Variants in CHERP observed in about 807,000 individuals in gnomAD.
The protein encoded by CHERP is ERPROT 213-21.
Under a neutral mutation model 113.8 loss-of-function variants are expected in CHERP, and 8 were observed. That is an observed-to-expected ratio of 0.07 (90% CI 0.04 to 0.13). The LOEUF (loss-of-function observed/expected upper bound fraction) is 0.13. Among genes scored for constraint, CHERP ranks in the 10% least tolerant of loss-of-function variants. The probability of loss-of-function intolerance (pLI) is 1.00; values close to 1 mark genes in which losing one functional copy is unlikely to be tolerated. For synonymous variants in CHERP, 559 were observed against 524.5 expected, an observed-to-expected ratio of 1.07 and a Z score of -0.90; for missense variants, 884 against 1,298.2, an observed-to-expected ratio of 0.68 and a Z score of 4.90.
In CHERP at chr19:16,518,580, G is replaced by C. The variant is rs1276806528; in HGVS notation, c.*579C>G. On this transcript the variant is annotated 3_prime_UTR_variant, in exon 17 of 17. Coordinates refer to ENST00000546361, the MANE Select transcript of CHERP (RefSeq NM_006387.6). The stretch of plus-strand genomic sequence containing the variant: ...TTCTTCTTTCTAGACCTAAACCAAG[G>C]AGAGTAAAAATGAAAACCCTGCTTC... The C allele has an allele frequency of 6.5e-6, 1 of 153,298 alleles. No individual in the cohort carries two copies. Among genetic ancestry groups the C allele is most frequent in the Admixed American group, 6.5e-5 (1 of 15,298 alleles). The allele number at this position is 153,298 out of a possible 1,614,324, so 9.5% of individuals were successfully genotyped here. A position where few individuals can be genotyped will look rare whatever the true frequency, so the allele number is the denominator to read the frequency against.
chr19:16,534,796 C>T (rs1049067577), intron 3 of CHERP, among the ~76,000 whole-genome samples: 3 of 152,116 alleles, frequency 2.0e-5, no homozygotes, highest in Admixed American at 6.6e-5. Context: ...TTCTATTTGG[C>T]GAAAGTTATC....
intron 2 of CHERP, among the ~76,000 whole-genome samples, chr19:16,536,925 T>C (rs373493981): frequency 1.1e-3 from 168 of 152,226 alleles, no homozygotes; most frequent in African/African-American, 3.8e-3. Flanking sequence ...GGCAGGAGAA[T>C]TGCTTGAGCT....
At position 16,535,537 on chromosome 19, in the gene CHERP, T is replaced by C; in HGVS notation, c.299A>G (p.Gln100Arg). The change falls in exon 3 of 17, where the codon CAG becomes CGG. Residue 100 changes from glutamine to arginine, a missense_variant. Around this residue, in one of 8 missense-constraint regions of CHERP, gnomAD observed 109 missense variants for 134.2 expected, o/e 0.81. Transcript: ENST00000546361. The surrounding 1 kb of genome is among the most constrained non-coding windows in gnomAD (Gnocchi z 4.3). Reference protein sequence around the residue: ...LAPAAPIPPAQGAPSMDELIQ... With the variant: ...LAPAAPIPPARGAPSMDELIQ... The stretch of plus-strand genomic sequence containing the variant: ...GAGCTCGTCCATGGATGGCGCGCCC[T>C]GGGCCGGCGGGATGGGCGCGGCGGG... 1 of 1,598,744 alleles carries C rather than the reference T, an allele frequency of 6.3e-7. No individual in the cohort carries two copies. The highest frequency in any genetic ancestry group is 8.5e-7 in the Non-Finnish European group (1 of 1,173,142).
Position 16,519,145 on chromosome 19 carries a change from C to T in CHERP, c.*14G>A, listed in dbSNP as rs563213714. ...GGCACCGCTGGCCACCGGCGCGGCT[C>T]CCGGCATGGGCGCCTACTTACACTC... On this transcript the variant is annotated 3_prime_UTR_variant, in exon 17 of 17. Transcript: ENST00000546361. The surrounding 1 kb of genome is among the most constrained non-coding windows in gnomAD (Gnocchi z 6.0). 1 of 1,608,454 alleles carries T rather than the reference C, an allele frequency of 6.2e-7. No homozygotes were observed.
chr19:16,534,714 T>C (rs375210939), intron 3 of CHERP, among the ~76,000 whole-genome samples: 2 of 152,208 alleles, frequency 1.3e-5, no homozygotes, highest in South Asian at 4.1e-4. Context: ...GACCTCATGA[T>C]CTGCCCATCT....
At chr19:16,526,036 G>C (rs2122257490) in intron 9 of CHERP, 1 of 282,056 alleles carries the variant, frequency 3.5e-6, no homozygotes, top group East Asian at 6.3e-5. Flanking sequence ...CAGGTGCAGA[G>C]GCACAGACGG....
chr19:16,528,325 C>T (rs1305923676), intron 8 of CHERP, 70 bp from the exon 9 acceptor site: 18 of 1,421,336 alleles, frequency 1.3e-5, no homozygotes, highest in Non-Finnish European at 1.7e-5. Context: ...CCACACTACC[C>T]CAGAGCAAAC....
chr19:16,539,586 C>T (rs1184627882), intron 2 of CHERP: 2 of 152,178 alleles, frequency 1.3e-5, no homozygotes, highest in Non-Finnish European at 2.9e-5. Context: ...CCTAAATAGG[C>T]ATCAGAAAAA....
chr19:16,522,932 GAGTGGGAGATGA>G, intron 11 of CHERP, 108 bp downstream of exon 11: 1 of 1,168,238 alleles, frequency 8.6e-7, no homozygotes, highest in Non-Finnish European at 1.2e-6. Flanking sequence ...GGTCCCTAGG[GAGTGGGAGATGA>G]AGGGGAGCCC....
intron 12 of CHERP, 117 bp from the exon 13 acceptor site, chr19:16,521,029 G>T: frequency 1.1e-6 from 1 of 879,046 alleles, no homozygotes; most frequent in Non-Finnish European, 1.9e-6. Context: ...CTGTGGCTGT[G>T]GGCTCCGAGC....
intron 11 of CHERP, 151 bp from the exon 12 acceptor site, chr19:16,521,805 TC>T: frequency 1.5e-6 from 1 of 667,110 alleles, no homozygotes; most frequent in Non-Finnish European, 2.3e-6. Flanking sequence ...CTCTTGGGGA[TC>T]CCACTCTCTT....
At chr19:16,539,146 GTT>G (rs889826521) in intron 2 of CHERP, among the ~76,000 whole-genome samples, 14 of 130,842 alleles carry the variant, frequency 1.1e-4, no homozygotes, top group Admixed American at 3.2e-4. Context: ...TTTAGAAACG[GTT>G]TTTTTTTTTT....
intron 12 of CHERP, 39 bp downstream of exon 12, chr19:16,521,482 A>G (rs1232356820): frequency 6.6e-7 from 1 of 1,509,538 alleles, no homozygotes; most frequent in Admixed American, 2.2e-5. Flanking sequence ...GAGAGGGGAC[A>G]GAGGCCTCCC....
At chr19:16,534,363 G>A (rs2085727524) in intron 3 of CHERP, among the ~76,000 whole-genome samples, 1 of 152,144 alleles carries the variant, frequency 6.6e-6, no homozygotes. Context: ...TTTTCTGAGA[G>A]CAATATGACA....
At chr19:16,522,195 G>A (rs1017477948) in intron 11 of CHERP, among the ~76,000 whole-genome samples, 1 of 152,012 alleles carries the variant, frequency 6.6e-6, no homozygotes, top group Non-Finnish European at 1.5e-5. Flanking sequence ...TGTGTCTGAG[G>A]GGGTGGGAAG....
Position 16,519,409 on chromosome 19 carries a change from G to T in CHERP, c.2558-57C>A, listed in dbSNP as rs536193270. The T allele has an allele frequency of 1.3e-6, 2 of 1,538,182 alleles. No homozygotes were observed. Among genetic ancestry groups the T allele is most frequent in the Non-Finnish European group, 1.8e-6 (2 of 1,128,760 alleles). ...AAGGCGGAGGCAGATGGGGGTGCAC[G>T]TGGGGGGCTGAATGTCCAGACAGGC... is the stretch of plus-strand genomic sequence containing the variant. On this transcript the variant is annotated intron_variant, in intron 16 of 16. Transcript: ENST00000546361. This position sits in a 1 kb window ranked among gnomAD's most constrained non-coding sequence, Gnocchi z 6.0.
chr19:16,533,472 C>T (rs777541944), intron 3 of CHERP, among the ~76,000 whole-genome samples: 11 of 152,188 alleles, frequency 7.2e-5, no homozygotes, highest in Non-Finnish European at 1.3e-4. Context: ...CAACAAAAAA[C>T]AAAGGCGGGG....
intron 3 of CHERP, among the ~76,000 whole-genome samples, chr19:16,533,528 C>T (rs911851093): frequency 6.6e-6 from 1 of 152,190 alleles, no homozygotes; most frequent in African/African-American, 2.4e-5. Flanking sequence ...GAGGCTGAGG[C>T]GGGAGGATCG....
At chr19:16,521,390 C>G (rs562994155) in intron 12 of CHERP, 131 bp downstream of exon 12, 3 of 778,906 alleles carry the variant, frequency 3.9e-6, no homozygotes, top group Admixed American at 6.2e-5. Context: ...ACACTTGTCA[C>G]TCAGGCGGGG....
Sources: allele counts gnomAD v4.1 joint callset (sites outside exome capture counted in the v4.1 genomes callset), GRCh38; gene constraint gnomAD v4.1.1; regional missense constraint gnomAD v4.1.1; non-coding constraint Gnocchi (gnomAD v3.1); transcripts MANE v1.5; gene names NCBI Gene and HGNC (gene_info 2026-07-23, HGNC 2026-07-21).